The following LARS1 variants were observed in gnomAD, a reference collection of about 807,000 sequenced individuals.
LARS1 encodes leucine--tRNA ligase, cytoplasmic.
Under a neutral mutation model 162.8 loss-of-function variants are expected in LARS1, and 100 were observed. That is an observed-to-expected ratio of 0.61 (90% CI 0.52 to 0.73). The LOEUF is 0.73. Ranked by LOEUF, LARS1 falls within the 30% of genes least tolerant of loss-of-function variation. The pLI is 0.00. For missense variants in LARS1, 1,258 were observed against 1,408.9 expected (o/e 0.89, Z 1.71); for synonymous variants, 457 against 462.8 (o/e 0.99, Z 0.16).
intron 8 of LARS1, among the ~76,000 whole-genome samples, chr5:146,158,063 T>C (rs1490299879): frequency 6.6e-6 from 1 of 152,204 alleles, no homozygotes; most frequent in African/African-American, 2.4e-5. Context: ...TCCCAGGGCA[T>C]GTCCCACATA....
At chr5:146,156,477 C>T (rs556541312) in intron 10 of LARS1, among the ~76,000 whole-genome samples, 3 of 151,974 alleles carry the variant, frequency 2.0e-5, no homozygotes, top group East Asian at 3.9e-4. Flanking sequence ...GTGGATCACC[C>T]GAGGTCAGGA....
chr5:146,152,976 G>A (rs1753360042), intron 13 of LARS1, among the ~76,000 whole-genome samples, 198 bp downstream of exon 13: 1 of 152,202 alleles, frequency 6.6e-6, no homozygotes, highest in African/African-American at 2.4e-5. Flanking sequence ...CAGGTGCCAG[G>A]TGGTAAGAAA....
At chr5:146,134,221 C>A (rs1432099780) in intron 22 of LARS1, among the ~76,000 whole-genome samples, 1 of 150,744 alleles carries the variant, frequency 6.6e-6, no homozygotes, top group Non-Finnish European at 1.5e-5. Flanking sequence ...TCCAATCTGA[C>A]CCCATAGGGC....
intron 15 of LARS1, among the ~76,000 whole-genome samples, chr5:146,146,381 A>AAGGTGAGAC: frequency 6.7e-6 from 1 of 149,952 alleles, no homozygotes; most frequent in South Asian, 2.1e-4. Flanking sequence ...AGAGAGAGAT[A>AAGGTGAGAC]AGGTGAGACT....
At chr5:146,118,344 G>A (rs950649723) in intron 31 of LARS1, among the ~76,000 whole-genome samples, 1 of 152,148 alleles carries the variant, frequency 6.6e-6, no homozygotes, top group African/African-American at 2.4e-5. Flanking sequence ...TAGAATCATG[G>A]TTATCAGAGG....
intron 19 of LARS1, 100 bp downstream of exon 19, chr5:146,143,312 A>G: frequency 6.9e-7 from 1 of 1,452,952 alleles, no homozygotes. Flanking sequence ...TCATGACAAA[A>G]TTCTGTGAAA....
At chr5:146,140,868 C>CAT (rs891794302) in intron 20 of LARS1, among the ~76,000 whole-genome samples, 1 of 151,730 alleles carries the variant, frequency 6.6e-6, no homozygotes, top group Non-Finnish European at 1.5e-5. Flanking sequence ...CACACACACA[C>CAT]ATATATATAC....
intron 22 of LARS1, among the ~76,000 whole-genome samples, chr5:146,134,427 C>T (rs1327792002): frequency 1.3e-5 from 2 of 152,152 alleles, no homozygotes; most frequent in Non-Finnish European, 1.5e-5. Flanking sequence ...CCGTCTTTGG[C>T]TTTGGTGTCC....
intron 31 of LARS1, among the ~76,000 whole-genome samples, chr5:146,117,911 G>A (rs1298230575): frequency 6.6e-6 from 1 of 152,160 alleles, no homozygotes; most frequent in East Asian, 1.9e-4. Context: ...AGTGTGGTGC[G>A]AATGTAAATT....
rs1476248979 is a variant in LARS1, at chr5:146,149,667, C to T, written c.1458G>A (p.Lys486=). The T allele has an allele frequency of 6.2e-7, 1 of 1,612,900 alleles. No homozygotes were observed. The highest frequency in any genetic ancestry group is 1.1e-5 in the South Asian group (1 of 91,046). ...IMLVDGFKGQ[K]VQDVKKTIQK... is the part of the protein sequence containing the mutation. ...GAATAGTCTTCTTTACATCTTGAAC[C>T]TTCTGTCCTTTAAATCCATCCACCA... The change falls in exon 15 of 32, where the codon AAG becomes AAA. Residue 486 remains lysine, a synonymous_variant. Coordinates refer to ENST00000394434, the MANE Select transcript of LARS1 (RefSeq NM_020117.11).
Position 146,133,097 on chromosome 5 carries a change from A to G in LARS1, c.2213-16T>C. 6.2e-7 allele frequency: 1 copy of G among 1,611,440 alleles called. No homozygotes were observed. Among genetic ancestry groups the G allele is most frequent in the Non-Finnish European group, 8.5e-7 (1 of 1,178,548 alleles). On this transcript the variant is annotated splice_polypyrimidine_tract_variant and intron_variant, in intron 22 of 31. Transcript: ENST00000394434. ...AAACGCATTCCTGGAAGAAGAAAAA[A>G]AAATTCAATGCATTAAAAATATGGT...
intron 28 of LARS1, 147 bp downstream of exon 28, chr5:146,126,288 T>G (rs1476107162): frequency 1.9e-6 from 1 of 540,170 alleles, no homozygotes. Flanking sequence ...CAAAATCTGA[T>G]AGATCATTTC....
Position 146,128,960 on chromosome 5 carries a change from A to T in LARS1, c.2769+18T>A, listed in dbSNP as rs1413671627. On this transcript the variant is annotated intron_variant, in intron 26 of 31. Coordinates refer to ENST00000394434, the MANE Select transcript of LARS1 (RefSeq NM_020117.11). ...TTTAAGGAATAATCCTTTAAAAAAA[A>T]AAACAAAAAAACTTTACCTTCCCTT... is the stretch of plus-strand genomic sequence containing the variant. 1 of 1,570,308 alleles carries T rather than the reference A, an allele frequency of 6.4e-7. No homozygotes were observed. The highest frequency in any genetic ancestry group is 2.1e-5 in the Admixed American group (1 of 46,586).
At chr5:146,143,128 T>G in intron 19 of LARS1, 44 bp from the exon 20 acceptor site, 4 of 1,067,244 alleles carry the variant, frequency 3.7e-6, no homozygotes, top group Non-Finnish European at 5.1e-6. Context: ...TATATATATG[T>G]AATTTCTTTG....
rs1467393657 is a variant in LARS1 at position 146,144,633 on chromosome 5, C to T, written c.1580G>A (p.Cys527Tyr). 1 of 1,614,054 alleles carries T rather than the reference C, an allele frequency of 6.2e-7. No individual in the cohort carries two copies. The highest frequency in any genetic ancestry group is 1.1e-5 in the South Asian group (1 of 91,084). The stretch of plus-strand genomic sequence containing the variant: ...GCTATAAGAGACTAACCACTGGTCA[C>T]ACAGAGCCACAACACATTCATCTGA... ...RSSDECVVAL[C>Y]DQWYLDYGEE... is the part of the protein sequence containing the mutation. The change falls in exon 16 of 32, where the codon TGT becomes TAT. Residue 527 changes from cysteine (C) to tyrosine (Y), a missense_variant. Physicochemically the swap from Cys to Tyr is radical, Grantham distance 194. Transcript: ENST00000394434.
chr5:146,133,636 T>A (rs1263236906), intron 22 of LARS1, among the ~76,000 whole-genome samples: 1 of 117,800 alleles, frequency 8.5e-6, no homozygotes, highest in Non-Finnish European at 1.7e-5. Context: ...AAAAAGAACC[T>A]AAATGTCCAT....
Position 146,126,481 on chromosome 5 carries a change from AG to A in LARS1, c.2944del (p.Leu982Ter), listed in dbSNP as rs1752049900. ...CATGACTTTCTTCATGTATTTCTTC[AG>A]TTCTGGCATACTGCCTAGTTCACTA... ...IASELGSMPE[L>X]KKYMKKVMPF... On this transcript the variant is annotated frameshift_variant, in exon 28 of 32. Transcript: ENST00000394434. LOFTEE classifies it high-confidence loss of function. 1 of 1,612,370 alleles carries A rather than the reference AG, an allele frequency of 6.2e-7. No individual in the cohort carries two copies. Among genetic ancestry groups the A allele is most frequent in the East Asian group, 2.2e-5 (1 of 44,860 alleles).
In LARS1 at chr5:146,114,241, T is replaced by C; in HGVS notation, c.3396A>G (p.Gly1132=). 1.2e-6 allele frequency: 2 copies of C among 1,613,890 alleles called. No homozygotes were observed. The highest frequency in any genetic ancestry group is 1.1e-5 in the South Asian group (1 of 91,040). Residue 1132 remains glycine (G), a synonymous_variant, in exon 32 of 32, where the codon GGA becomes GGG. Transcript: ENST00000394434. ...TGGGGGTCTTCTCGGTGTACTCCTT[T>C]CCCAGGACAGGAACTCGTCGAGGCC... ...LLGPRRVPVL[G]KEYTEKTPIS... is the part of the protein sequence containing the mutation.
At chr5:146,175,935 A>G (rs1390679877) in intron 2 of LARS1, among the ~76,000 whole-genome samples, 1 of 152,116 alleles carries the variant, frequency 6.6e-6, no homozygotes, top group African/African-American at 2.4e-5. Context: ...CAGAAGGATC[A>G]CTTGAAGCCA....
Sources: allele counts gnomAD v4.1 joint callset (sites outside exome capture counted in the v4.1 genomes callset), GRCh38; gene constraint gnomAD v4.1.1; transcripts MANE v1.5; gene names NCBI Gene and HGNC (gene_info 2026-07-23, HGNC 2026-07-21).